CNTLN: variants seen among roughly 807,000 people sequenced by gnomAD.
CNTLN encodes the protein centlein, centrosomal protein.
A neutral mutation model predicts 180.0 loss-of-function variants in CNTLN; 212 were observed. The observed-to-expected ratio is 1.18, with a 90% confidence interval of 1.05 to 1.32. The LOEUF (loss-of-function observed/expected upper bound fraction) is 1.32, where lower values mean the gene tolerates loss of function less well. Among genes scored for constraint, CNTLN ranks in the 40% most tolerant of loss-of-function variants. The probability of loss-of-function intolerance (pLI) is 0.00; values close to 1 mark genes in which losing one functional copy is unlikely to be tolerated. For synonymous variants in CNTLN, 722 were observed against 563.1 expected (o/e 1.28, Z -3.99); for missense variants, 2,095 against 1,610.9 (o/e 1.30, Z -5.14).
At chr9:17,258,904 T>A (rs7847865) in intron 5 of CNTLN, among the ~76,000 whole-genome samples, 143,856 of 145,450 alleles carry the variant, frequency 0.99, 71,154 homozygotes, top group East Asian at 1. Context: ...TAGATATACA[T>A]TCATGTCATC....
chr9:17,342,324 G>A lies in CNTLN; in HGVS notation c.1767-1G>A, dbSNP rs749563309. On this transcript the variant is annotated splice_acceptor_variant, in intron 11 of 25. Coordinates refer to ENST00000380647, the MANE Select transcript of CNTLN (RefSeq NM_017738.4). LOFTEE classifies it high-confidence loss of function. ...AAAAAGCAACTTTGTTTTAAAAATA[G>A]GACTGAAATCAGGAAAATAAAGAGA... 2.9e-5 allele frequency: 47 copies of A among 1,610,924 alleles called. No individual in the cohort carries two copies. The highest frequency in any genetic ancestry group is 3.8e-5 in the Non-Finnish European group (45 of 1,178,874).
intron 2 of CNTLN, among the ~76,000 whole-genome samples, 165 bp downstream of exon 2, chr9:17,143,541 G>A (rs1280971706): frequency 1.3e-5 from 2 of 152,228 alleles, no homozygotes; most frequent in African/African-American, 4.8e-5. Flanking sequence ...AAGGGTGCCA[G>A]TTCACCAAGT....
At chr9:17,147,931 T>A (rs960850015) in intron 2 of CNTLN, among the ~76,000 whole-genome samples, 1 of 152,190 alleles carries the variant, frequency 6.6e-6, no homozygotes, top group Non-Finnish European at 1.5e-5. Context: ...TTGCTAAACA[T>A]CTTGAAATGA....
chr9:17,137,137 A>G (rs1817773718), intron 1 of CNTLN, among the ~76,000 whole-genome samples: 1 of 152,216 alleles, frequency 6.6e-6, no homozygotes, highest in Non-Finnish European at 1.5e-5. Context: ...GTGACCTCGG[A>G]CATATATAGA....
At chr9:17,458,420 A>G (rs768112086) in intron 19 of CNTLN, among the ~76,000 whole-genome samples, 2 of 151,924 alleles carry the variant, frequency 1.3e-5, no homozygotes, top group Admixed American at 6.6e-5. Flanking sequence ...GGGGATTGCT[A>G]GCTAGAAGCT....
chr9:17,394,880 T>A lies in CNTLN; in HGVS notation c.2426T>A (p.Met809Lys). 6.2e-7 allele frequency: 1 copy of A among 1,614,004 alleles called. No individual in the cohort carries two copies. Among genetic ancestry groups the A allele is most frequent in the South Asian group, 1.1e-5 (1 of 91,080 alleles). The stretch of plus-strand genomic sequence containing the variant: ...TCAGCAGACAGAGCTAAATCCGAGA[T>A]GGCCACCATGAAAGTGAGATCTGGA... ...HQSADRAKSE[M>K]ATMKVRSGRY... Residue 809 changes from methionine (M) to lysine (K), a missense_variant, in exon 15 of 26, where the codon ATG (methionine) becomes AAG (lysine). Transcript: ENST00000380647.
At chr9:17,318,230 C>A (rs2133009946) in intron 8 of CNTLN, among the ~76,000 whole-genome samples, 1 of 151,966 alleles carries the variant, frequency 6.6e-6, no homozygotes, top group East Asian at 2.0e-4. Flanking sequence ...GGGGTTTCAC[C>A]GTGTTAGCCA....
intron 2 of CNTLN, among the ~76,000 whole-genome samples, chr9:17,182,253 C>T (rs1019104668): frequency 1.3e-5 from 2 of 151,898 alleles, no homozygotes; most frequent in East Asian, 1.9e-4. Context: ...TTTCCTGGTC[C>T]GTAGGGTAGA....
intron 12 of CNTLN, among the ~76,000 whole-genome samples, chr9:17,365,258 G>A (rs2133425469): frequency 6.6e-6 from 1 of 152,220 alleles, no homozygotes; most frequent in South Asian, 2.1e-4. Flanking sequence ...ACCTCCCTCT[G>A]TGCTCTTTTC....
At chr9:17,320,722 C>G (rs921842527) in intron 8 of CNTLN, among the ~76,000 whole-genome samples, 1 of 152,094 alleles carries the variant, frequency 6.6e-6, no homozygotes, top group Non-Finnish European at 1.5e-5. Context: ...AGGCTGGTCT[C>G]GAACTCCTGA....
In CNTLN at chr9:17,457,598, A is replaced by G. The variant is rs765527150; in HGVS notation, c.3189A>G (p.Glu1063=). 5 of 1,566,738 alleles carry G rather than the reference A, an allele frequency of 3.2e-6. No homozygotes were observed. The highest frequency in any genetic ancestry group is 1.2e-5 in the South Asian group (1 of 83,526). Residue 1063 remains glutamate, a synonymous_variant, in exon 19 of 26, where the codon GAA becomes GAG. Transcript: ENST00000380647. ...TAAAGAAATTGGAGTCCTCATCTGA[A>G]ATCACAAGTTTGGCAGAAGAAAATT... is the stretch of plus-strand genomic sequence containing the variant. The part of the protein sequence containing the change: ...DLLKKLESSS[E]ITSLAEENSQ...
At chr9:17,174,076 T>A (rs1243437194) in intron 2 of CNTLN, among the ~76,000 whole-genome samples, 1 of 152,244 alleles carries the variant, frequency 6.6e-6, no homozygotes, top group Non-Finnish European at 1.5e-5. Flanking sequence ...AAATGTTGTA[T>A]AAATGGAATC....
chr9:17,135,576 T>C, intron 1 of CNTLN, 151 bp downstream of exon 1: 1 of 1,114,992 alleles, frequency 9.0e-7, no homozygotes, highest in Non-Finnish European at 1.2e-6. Flanking sequence ...GGCCGGGGGC[T>C]GGAGGGACGC....
chr9:17,378,985 G>GA (rs778468981), intron 13 of CNTLN, among the ~76,000 whole-genome samples: 29 of 151,968 alleles, frequency 1.9e-4, no homozygotes, highest in African/African-American at 4.3e-4. Flanking sequence ...TCATACACCT[G>GA]AAAAAATCCC....
At chr9:17,191,066 C>T (rs552451305) in intron 2 of CNTLN, among the ~76,000 whole-genome samples, 3 of 152,220 alleles carry the variant, frequency 2.0e-5, no homozygotes, top group East Asian at 1.9e-4. Context: ...ATATTTATGT[C>T]CTAACAACTT....
At chr9:17,490,306 T>A (rs906957453) in intron 25 of CNTLN, among the ~76,000 whole-genome samples, 3 of 152,038 alleles carry the variant, frequency 2.0e-5, no homozygotes. Flanking sequence ...CAGATTGTGA[T>A]CTACATTCTA....
rs1306331394 is a variant in CNTLN at position 17,273,884 on chromosome 9, T to C, written c.983+18T>C. Reference sequence around the variant, plus strand: ...CTGGTCAGGCAAGTATATTCAATTTTTAATTTAACATCATAGAAATGTCAT... The same window carrying C: ...CTGGTCAGGCAAGTATATTCAATTTCTAATTTAACATCATAGAAATGTCAT... On this transcript the variant is annotated intron_variant, in intron 6 of 25. Transcript: ENST00000380647. 6 of 1,501,834 alleles carry C rather than the reference T, an allele frequency of 4.0e-6. No homozygotes were observed. The highest frequency in any genetic ancestry group is 1.4e-5 in the African/African-American group (1 of 69,264). The allele number at this position is 1,501,834 out of a possible 1,614,324, so 93.0% of individuals were successfully genotyped here.
intron 25 of CNTLN, among the ~76,000 whole-genome samples, chr9:17,488,085 T>C (rs574778981): frequency 2.6e-4 from 39 of 152,308 alleles, no homozygotes; most frequent in African/African-American, 8.9e-4. Context: ...AAATAGAAAC[T>C]GATATTAAAT....
chr9:17,298,704 T>C (rs776948416), intron 7 of CNTLN: 4 of 996,674 alleles, frequency 4.0e-6, no homozygotes, highest in Non-Finnish European at 4.8e-6. Flanking sequence ...TTTTGTCAAG[T>C]ATGGCAGACT....
Sources: allele counts gnomAD v4.1 joint callset (sites outside exome capture counted in the v4.1 genomes callset), GRCh38; gene constraint gnomAD v4.1.1; transcripts MANE v1.5; gene names NCBI Gene and HGNC (gene_info 2026-07-23, HGNC 2026-07-21).